The following PIWIL3 variants were observed in gnomAD, a reference collection of about 807,000 sequenced individuals.
The protein encoded by PIWIL3 is piwi like RNA-mediated gene silencing 3, also known as piwi-like protein 3.
Under a neutral mutation model 109.7 loss-of-function variants are expected in PIWIL3, and 101 were observed. The observed-to-expected ratio is 0.92, with a 90% CI of 0.78 to 1.09. PIWIL3 has a LOEUF of 1.09. PIWIL3 is among the 50% of genes least tolerant of loss of function. PIWIL3 has a pLI of 0.00. For missense variants in PIWIL3, 1,031 were observed against 1,072.6 expected, an observed-to-expected ratio of 0.96 and a Z score of 0.54; for synonymous variants, 373 against 376.4, an observed-to-expected ratio of 0.99 and a Z score of 0.10.
rs56087060 is a variant in PIWIL3, at chr22:24,720,259, G to GTTT, written c.2358-367_2358-365dup. Among the ~76,000 whole-genome samples, 202 of 105,476 alleles carry GTTT rather than the reference G, an allele frequency of 1.9e-3. 14 individuals are homozygous for GTTT. Among genetic ancestry groups the GTTT allele is most frequent in the African/African-American group, 3.1e-3 (89 of 28,934 alleles). 69.2% of individuals were successfully genotyped at this position (105,476 alleles called of 152,430 possible). On this transcript the variant is annotated intron_variant, in intron 19 of 20. Transcript: ENST00000616349. ...AGAATCACTGGACTATATTTAAACT[G>GTTT]TTTTTTTTTTTTTTTTTTTTTTTTT... is the stretch of plus-strand genomic sequence containing the variant.
chr22:24,730,256 T>G (rs1022511645), intron 14 of PIWIL3, among the ~76,000 whole-genome samples: 2 of 144,436 alleles, frequency 1.4e-5, no homozygotes, highest in Non-Finnish European at 3.0e-5. Flanking sequence ...TCCCAGGTAC[T>G]TGGGAGGCTG....
intron 19 of PIWIL3, among the ~76,000 whole-genome samples, chr22:24,720,259 G>GTTTTTTTTTTTTTTTTT (rs56087060): frequency 9.5e-6 from 1 of 105,526 alleles, no homozygotes; most frequent in African/African-American, 3.5e-5. Context: ...TATTTAAACT[G>GTTTTTTTTTTTTTTTTT]TTTTTTTTTT....
At chr22:24,763,148 CTT>C (rs11288934) in intron 1 of PIWIL3, among the ~76,000 whole-genome samples, 1,773 of 141,626 alleles carry the variant, frequency 0.013, 14 homozygotes, top group Non-Finnish European at 0.021. Flanking sequence ...ACTTTTTTTT[CTT>C]TTTTTTTTTT....
At chr22:24,770,219 A>C (rs1192850543) in intron 1 of PIWIL3, among the ~76,000 whole-genome samples, 1 of 152,220 alleles carries the variant, frequency 6.6e-6, no homozygotes, top group Non-Finnish European at 1.5e-5. Flanking sequence ...CAAGTATTGA[A>C]GGCAAGACTC....
rs183711626 is a variant in PIWIL3 at position 24,753,443 on chromosome 22, A to G, written c.977+571T>C. Among the ~76,000 whole-genome samples, 286 of 152,280 alleles carry G rather than the reference A, an allele frequency of 1.9e-3. 10 individuals carry two copies. The highest frequency in any genetic ancestry group is 0.019 in the Admixed American group (283 of 15,292). On this transcript the variant is annotated intron_variant, in intron 8 of 20. Transcript: ENST00000616349. ...ACACTTGTCAGAAGTCAGCTGACGA[A>G]GTGGAGGGTTAACCTTCTGTACTCT...
At chr22:24,767,567 C>A (rs1601855834) in intron 1 of PIWIL3, among the ~76,000 whole-genome samples, 2 of 147,838 alleles carry the variant, frequency 1.4e-5, no homozygotes, top group African/African-American at 2.5e-5. Context: ...AAAAAAAGGG[C>A]AAAGAGAAAA....
At position 24,719,882 on chromosome 22, in the gene PIWIL3, T is replaced by TA. The variant is rs778583073; in HGVS notation, c.2370dup (p.Ile791TyrfsTer17). 1 of 1,609,906 alleles carries TA rather than the reference T, an allele frequency of 6.2e-7. No individual in the cohort carries two copies. The highest frequency in any genetic ancestry group is 8.5e-7 in the Non-Finnish European group (1 of 1,177,394). On this transcript the variant is annotated frameshift_variant, in exon 20 of 21. Coordinates refer to ENST00000616349, the MANE Select transcript of PIWIL3 (RefSeq NM_001255975.1). LOFTEE classifies it high-confidence loss of function. ...CCATCTTGCACAGACTGACTCACAA[T>TA]AAAAAAGTCATACCTGGAAATATAG...
intron 12 of PIWIL3, among the ~76,000 whole-genome samples, chr22:24,748,553 T>G (rs993299001): frequency 6.6e-6 from 1 of 152,218 alleles, no homozygotes; most frequent in African/African-American, 2.4e-5. Flanking sequence ...ATACCTACTA[T>G]GTACCCACAA....
chr22:24,760,805 CTG>C (rs977174097), intron 2 of PIWIL3, among the ~76,000 whole-genome samples: 1 of 89,286 alleles, frequency 1.1e-5, no homozygotes, highest in African/African-American at 4.1e-5. Context: ...AAAAAAAAAG[CTG>C]TGACAGGATA....
intron 14 of PIWIL3, among the ~76,000 whole-genome samples, chr22:24,728,915 CAA>C (rs766394513): frequency 1.3e-5 from 2 of 152,054 alleles, no homozygotes; most frequent in Non-Finnish European, 2.9e-5. Flanking sequence ...AAACAAAAAA[CAA>C]AAAACAGTTA....
chr22:24,764,549 A>C (rs1431056338), intron 1 of PIWIL3, among the ~76,000 whole-genome samples: 2 of 152,084 alleles, frequency 1.3e-5, no homozygotes, highest in East Asian at 3.9e-4. Context: ...AATAAAAATA[A>C]AATAAAAAAC....
Position 24,772,053 on chromosome 22 carries a change from CCTACT to C in PIWIL3, c.-23+2264_-23+2268del, listed in dbSNP as rs547787323. 1.6e-4 allele frequency among the ~76,000 whole-genome samples: 24 copies of C among 152,262 alleles called. No homozygotes were observed. The East Asian group carries it at 4.6e-3, about 29-fold the overall frequency. ...TTGGCCAACAGAACTGTGTTGGTAG[CCTACT>C]CTTACTGGAATACATTCGATAACAC... On this transcript the variant is annotated intron_variant, in intron 1 of 20. Transcript: ENST00000616349.
Position 24,727,961 on chromosome 22 carries a change from A to G in PIWIL3, c.1998T>C (p.Ala666=), listed in dbSNP as rs1311054847. ...CAGAGCTTACTTACTTTGTTAATTC[A>G]GCATTGGTACTTGCAACAAATCCTG... is the stretch of plus-strand genomic sequence containing the variant. ...SIAGFVASTN[A]ELTKWYSQCV... Residue 666 remains alanine, a synonymous_variant, in exon 16 of 21, where the codon GCT becomes GCC. Coordinates refer to ENST00000616349, the MANE Select transcript of PIWIL3 (RefSeq NM_001255975.1). 4 of 1,612,052 alleles carry G rather than the reference A, an allele frequency of 2.5e-6. No homozygotes were observed. In the African/African-American group the frequency reaches 4.0e-5, roughly 16 times the overall value.
In PIWIL3 at chr22:24,758,096, C is replaced by T. The variant is rs1359977509; in HGVS notation, c.224-57G>A. 4 of 1,547,188 alleles carry T rather than the reference C, an allele frequency of 2.6e-6. No individual in the cohort carries two copies. In the African/African-American group the frequency reaches 5.6e-5, roughly 22 times the overall value. On this transcript the variant is annotated intron_variant, in intron 3 of 20. Transcript: ENST00000616349. ...AATAAAAAGGGAAGAATAGAAAAGACAGCATTAACACCCAGCATAAGTTTG... is the reference window on the plus strand; with the variant it reads ...AATAAAAAGGGAAGAATAGAAAAGATAGCATTAACACCCAGCATAAGTTTG...
rs955289981 is a variant in PIWIL3 at position 24,725,666 on chromosome 22, C to G, written c.2010-151G>C. The G allele has an allele frequency of 1.4e-5, 11 of 767,192 alleles. No homozygotes were observed. In the African/African-American group the frequency reaches 1.9e-4, roughly 13 times the overall value. The allele number at this position is 767,192 out of a possible 1,614,324, so 47.5% of individuals were successfully genotyped here. On this transcript the variant is annotated intron_variant, in intron 16 of 20. Coordinates refer to ENST00000616349, the MANE Select transcript of PIWIL3 (RefSeq NM_001255975.1). Reference sequence around the variant, plus strand: ...TCTACGGAGATCAAAGTATTGGTCTCTTTTGATATCTTAGGCATTTTAGAA... The same window carrying G: ...TCTACGGAGATCAAAGTATTGGTCTGTTTTGATATCTTAGGCATTTTAGAA...
chr22:24,749,302 C>A (rs1469648959), intron 11 of PIWIL3, 102 bp downstream of exon 11: 4 of 1,512,216 alleles, frequency 2.6e-6, no homozygotes, highest in Non-Finnish European at 3.5e-6. Flanking sequence ...CCCATTGTCA[C>A]TTGCTTGTAG....
intron 12 of PIWIL3, among the ~76,000 whole-genome samples, chr22:24,739,425 A>G (rs543057647): frequency 1.1e-4 from 17 of 152,320 alleles, no homozygotes; most frequent in African/African-American, 4.1e-4. Flanking sequence ...GTCAAGGATA[A>G]AGAAAGGATC....
At chr22:24,744,570 C>G (rs2147684817) in intron 12 of PIWIL3, among the ~76,000 whole-genome samples, 1 of 152,022 alleles carries the variant, frequency 6.6e-6, no homozygotes, top group East Asian at 1.9e-4. Context: ...AAGACTCTGT[C>G]TCAAAAACAA....
intron 1 of PIWIL3, among the ~76,000 whole-genome samples, chr22:24,767,886 C>A (rs1416973519): frequency 1.3e-5 from 2 of 152,276 alleles, no homozygotes; most frequent in Middle Eastern, 3.4e-3. Flanking sequence ...AGAAGGCAAG[C>A]CTACCTATCC....
Sources: gnomAD v4.1 joint callset for allele counts (sites outside exome capture counted in the v4.1 genomes callset) on GRCh38, gnomAD v4.1.1 for gene constraint, MANE v1.5 for transcripts, NCBI Gene and HGNC (gene_info 2026-07-23, HGNC 2026-07-21) for gene names.